Variants in GRIK2 observed in about 807,000 individuals in gnomAD.
The protein encoded by GRIK2 is glutamate receptor ionotropic, kainate 2.
A neutral mutation model predicts 100.3 loss-of-function variants in GRIK2; 32 were observed. The observed-to-expected ratio is 0.32, with a 90% CI of 0.24 to 0.43. The LOEUF (loss-of-function observed/expected upper bound fraction) is 0.43, where lower values mean the gene tolerates loss of function less well. GRIK2 is among the 20% of genes least tolerant of loss of function. The probability of loss-of-function intolerance (pLI) is 1.00; values close to 1 mark genes in which losing one functional copy is unlikely to be tolerated. For missense variants in GRIK2, 843 were observed against 1,114.9 expected, an observed-to-expected ratio of 0.76 and a Z score of 3.47; for synonymous variants, 417 against 389.4, an observed-to-expected ratio of 1.07 and a Z score of -0.83.
chr6:101,569,396 G>A (rs768263688), intron 2 of GRIK2, among the ~76,000 whole-genome samples: 49 of 151,392 alleles, frequency 3.2e-4, no homozygotes, highest in Non-Finnish European at 5.6e-4. Context: ...TGATCCAAAC[G>A]GAACTACATT....
chr6:102,004,922 G>A (rs1562103873), intron 14 of GRIK2, among the ~76,000 whole-genome samples: 1 of 150,690 alleles, frequency 6.6e-6, no homozygotes, highest in East Asian at 1.9e-4. Flanking sequence ...GCATTTCCAG[G>A]AAATTATTAA....
intron 4 of GRIK2, among the ~76,000 whole-genome samples, chr6:101,661,867 G>A (rs1271024666): frequency 1.3e-5 from 2 of 152,152 alleles, no homozygotes; most frequent in East Asian, 3.9e-4. Flanking sequence ...AGTGCCTTCT[G>A]CATTGATCTC....
At chr6:101,443,770 A>C (rs1212046458) in intron 2 of GRIK2, among the ~76,000 whole-genome samples, 2 of 152,086 alleles carry the variant, frequency 1.3e-5, no homozygotes, top group Non-Finnish European at 2.9e-5. Flanking sequence ...AGAAATAAGA[A>C]TACTACCGGA....
At chr6:102,025,348 A>G (rs1468991118) in intron 14 of GRIK2, among the ~76,000 whole-genome samples, 2 of 151,332 alleles carry the variant, frequency 1.3e-5, no homozygotes, top group African/African-American at 2.4e-5. Context: ...TGAACAGATA[A>G]ATAAGTATAA....
chr6:101,613,110 T>C (rs1372668144), intron 2 of GRIK2, among the ~76,000 whole-genome samples: 1 of 151,672 alleles, frequency 6.6e-6, no homozygotes, highest in East Asian at 1.9e-4. Flanking sequence ...TGGAGATGCA[T>C]TGTTGTGGTG....
intron 7 of GRIK2, among the ~76,000 whole-genome samples, chr6:101,799,305 G>GTGTGTGTGTGTGTGTA (rs10601554): frequency 1.5e-4 from 22 of 149,646 alleles, no homozygotes; most frequent in African/African-American, 5.4e-4. Context: ...GTGTGTGTGT[G>GTGTGTGTGTGTGTGTA]TATAAGTGAG....
chr6:101,596,534 T>G (rs1438815088), intron 2 of GRIK2, among the ~76,000 whole-genome samples: 2 of 151,744 alleles, frequency 1.3e-5, no homozygotes, highest in Non-Finnish European at 2.9e-5. Context: ...ATGGGAAGCA[T>G]AAACTCTTTC....
intron 4 of GRIK2, among the ~76,000 whole-genome samples, chr6:101,636,064 C>G (rs1008439828): frequency 6.6e-6 from 1 of 152,040 alleles, no homozygotes; most frequent in African/African-American, 2.4e-5. Context: ...ATGTTTATTG[C>G]AGAACTGTTC....
chr6:101,869,981 G>T (rs980323889), intron 11 of GRIK2, among the ~76,000 whole-genome samples: 2 of 151,828 alleles, frequency 1.3e-5, no homozygotes, highest in African/African-American at 4.8e-5. Context: ...GCCCAATTTG[G>T]GCTAGTCCAG....
intron 16 of GRIK2, among the ~76,000 whole-genome samples, chr6:102,061,289 T>C (rs1771738573): frequency 6.6e-6 from 1 of 150,558 alleles, no homozygotes; most frequent in African/African-American, 2.4e-5. Flanking sequence ...TTTTAAAGTG[T>C]AATACCACAT....
At chr6:101,422,491 G>A (rs914126540) in intron 2 of GRIK2, among the ~76,000 whole-genome samples, 8 of 152,030 alleles carry the variant, frequency 5.3e-5, no homozygotes, top group Admixed American at 3.9e-4. Context: ...AGCTAATTTG[G>A]AGCATCATTA....
At chr6:101,580,231 G>A (rs565275464) in intron 2 of GRIK2, among the ~76,000 whole-genome samples, 1 of 152,168 alleles carries the variant, frequency 6.6e-6, no homozygotes, top group South Asian at 2.1e-4. Flanking sequence ...TTTATTCCCA[G>A]CCAACCTGGA....
chr6:101,645,358 G>C (rs1781475197), intron 4 of GRIK2, among the ~76,000 whole-genome samples: 9 of 151,756 alleles, frequency 5.9e-5, no homozygotes, highest in Admixed American at 5.3e-4. Flanking sequence ...TAGCTTCCCT[G>C]TCAGTAGCTA....
intron 5 of GRIK2, among the ~76,000 whole-genome samples, chr6:101,678,018 G>A (rs1770968528): frequency 6.6e-6 from 1 of 152,046 alleles, no homozygotes; most frequent in Non-Finnish European, 1.5e-5. Context: ...CTGAACTCTA[G>A]AGTCAAGATT....
chr6:101,484,592 G>C (rs1772717169), intron 2 of GRIK2, among the ~76,000 whole-genome samples: 1 of 150,268 alleles, frequency 6.7e-6, no homozygotes, highest in Non-Finnish European at 1.5e-5. Flanking sequence ...ATGCTAAGTT[G>C]GTATTTATGT....
chr6:101,884,715 G>A (rs566680030), intron 11 of GRIK2, among the ~76,000 whole-genome samples: 1 of 152,156 alleles, frequency 6.6e-6, no homozygotes, highest in South Asian at 2.1e-4. Context: ...TATTTCTAGA[G>A]TAAGACTAGA....
At chr6:101,747,740 A>G (rs1029811988) in intron 7 of GRIK2, among the ~76,000 whole-genome samples, 2 of 152,216 alleles carry the variant, frequency 1.3e-5, no homozygotes, top group African/African-American at 2.4e-5. Context: ...CTTAAATTAT[A>G]TCAGAATTAC....
intron 4 of GRIK2, among the ~76,000 whole-genome samples, chr6:101,627,106 T>C (rs62421387): frequency 0.29 from 39,568 of 138,578 alleles, 6,725 homozygotes; most frequent in Non-Finnish European, 0.4. Context: ...TGTGTGTGCG[T>C]GTGTGTGTCT....
At chr6:101,432,542 G>A (rs1769466846) in intron 2 of GRIK2, among the ~76,000 whole-genome samples, 1 of 152,132 alleles carries the variant, frequency 6.6e-6, no homozygotes, top group Non-Finnish European at 1.5e-5. Flanking sequence ...ATGGGGTTCT[G>A]TCCCATATTC....
Sources: allele counts gnomAD v4.1 joint callset (sites outside exome capture counted in the v4.1 genomes callset), GRCh38; gene constraint gnomAD v4.1.1; transcripts MANE v1.5; gene names NCBI Gene and HGNC (gene_info 2026-07-23, HGNC 2026-07-21).